The following NACC2 variants were observed in gnomAD, a reference collection of about 807,000 sequenced individuals.
The protein encoded by NACC2 is NACC family member 2, also known as nucleus accumbens-associated protein 2.
A neutral mutation model predicts 25.1 loss-of-function variants in NACC2; 8 were observed. That is an observed-to-expected ratio of 0.32 (90% CI 0.19 to 0.57). The LOEUF (loss-of-function observed/expected upper bound fraction) is 0.57. Ranked by LOEUF, NACC2 falls within the 20% of genes least tolerant of loss-of-function variation. The pLI is 0.89. For synonymous variants in NACC2, 435 were observed against 294.7 expected (o/e 1.48, Z -4.88); for missense variants, 644 against 650.2 (o/e 0.99, Z 0.10).
At chr9:136,059,085 G>C (rs1225209934) in intron 1 of NACC2, among the ~76,000 whole-genome samples, 1 of 152,238 alleles carries the variant, frequency 6.6e-6, no homozygotes, top group Admixed American at 6.5e-5. Context: ...ACCCACATCA[G>C]AGCCTGAGAC....
chr9:136,013,586 T>TAAC lies in NACC2; in HGVS notation c.1157+277_1157+278insGTT. Among the ~76,000 whole-genome samples the TAAC allele has an allele frequency of 6.6e-6, 1 of 152,248 alleles. No homozygotes were observed. The highest frequency in any genetic ancestry group is 6.5e-5 in the Admixed American group (1 of 15,294). On this transcript the variant is annotated intron_variant, in intron 4 of 5. Coordinates refer to ENST00000277554, the MANE Select transcript of NACC2 (RefSeq NM_144653.5). The surrounding 1 kb of genome is among the most constrained non-coding windows in gnomAD (Gnocchi z 6.6). ...GCCGCTGTGTCCTCGGGAAGGGTTC[T>TAAC]GTTGGCCCATCAGCACAACAGAATA...
At chr9:136,051,447 G>A (rs1018907629) in intron 1 of NACC2, among the ~76,000 whole-genome samples, 3 of 152,188 alleles carry the variant, frequency 2.0e-5, no homozygotes, top group Non-Finnish European at 4.4e-5. Context: ...AGCCCTCGCC[G>A]GGCTGCCCGG....
In NACC2 at chr9:136,009,788, TGG is replaced by T. The variant is rs1370209311; in HGVS notation, c.*1726_*1727del. 1 of 152,398 alleles carries T rather than the reference TGG, an allele frequency of 6.6e-6. No individual in the cohort carries two copies. The highest frequency in any genetic ancestry group is 1.5e-5 in the Non-Finnish European group (1 of 68,270). 9.4% of individuals were successfully genotyped at this position (152,398 alleles called of 1,614,324 possible). The stretch of plus-strand genomic sequence containing the variant: ...CCTCCGCTTGATGGGTTGTGGAGGT[TGG>T]GGGAGTGGGGTGCGCTGGTCGGCCA... On this transcript the variant is annotated 3_prime_UTR_variant, in exon 6 of 6. Transcript: ENST00000277554.
At chr9:136,080,676 C>T (rs1264977039) in intron 1 of NACC2, among the ~76,000 whole-genome samples, 2 of 152,304 alleles carry the variant, frequency 1.3e-5, no homozygotes, top group East Asian at 3.9e-4. Flanking sequence ...CCACGGAGCT[C>T]TTGCTTATCT....
chr9:136,093,380 G>A (rs548072477), intron 1 of NACC2, among the ~76,000 whole-genome samples: 2 of 152,298 alleles, frequency 1.3e-5, no homozygotes, highest in Admixed American at 6.5e-5. Context: ...GCAGCCCTGC[G>A]AACCCTTCCA....
At position 136,050,447 on chromosome 9, in the gene NACC2, C is replaced by G. The variant is rs1840805544; in HGVS notation, c.75G>C (p.Leu25=). ...TVLGCLNEQR[L]LGLYCDVSIV... Reference sequence around the variant, plus strand: ...TGGACACATCGCAGTAGAGGCCCAGCAGGCGCTGCTCGTTCAGGCAGCCCA... The same window carrying G: ...TGGACACATCGCAGTAGAGGCCCAGGAGGCGCTGCTCGTTCAGGCAGCCCA... The change falls in exon 2 of 6, where the codon CTG becomes CTC. Residue 25 remains leucine, a synonymous_variant. Coordinates refer to ENST00000277554, the MANE Select transcript of NACC2 (RefSeq NM_144653.5). 2 of 766,680 alleles carry G rather than the reference C, an allele frequency of 2.6e-6. No homozygotes were observed. The highest frequency in any genetic ancestry group is 4.8e-6 in the Non-Finnish European group (2 of 417,318). 47.5% of individuals were successfully genotyped at this position (766,680 alleles called of 1,614,324 possible).
intron 1 of NACC2, among the ~76,000 whole-genome samples, chr9:136,077,810 AAGT>A (rs1223020550): frequency 1.2e-4 from 19 of 152,240 alleles, no homozygotes; most frequent in Non-Finnish European, 7.3e-5. Context: ...AGGTAAGTGA[AAGT>A]AGTTTGAAAA....
intron 1 of NACC2, among the ~76,000 whole-genome samples, chr9:136,075,532 G>A (rs1198079475): frequency 6.6e-6 from 1 of 152,264 alleles, no homozygotes; most frequent in African/African-American, 2.4e-5. Flanking sequence ...TCGCGCAGCT[G>A]GGGCCAAGCC....
intron 1 of NACC2, among the ~76,000 whole-genome samples, chr9:136,060,589 GC>G (rs1840995595): frequency 6.6e-6 from 1 of 152,242 alleles, no homozygotes; most frequent in African/African-American, 2.4e-5. Context: ...TCAGTCCCTG[GC>G]CCGAGAAGGC....
chr9:136,040,214 G>A (rs949633959), intron 2 of NACC2, among the ~76,000 whole-genome samples: 20 of 151,720 alleles, frequency 1.3e-4, no homozygotes, highest in South Asian at 2.1e-4. Context: ...GCGTGGTGGC[G>A]GGCACCTGTA....
intron 1 of NACC2, among the ~76,000 whole-genome samples, chr9:136,053,194 T>G (rs1840874138): frequency 6.6e-6 from 1 of 152,156 alleles, no homozygotes; most frequent in Non-Finnish European, 1.5e-5. Flanking sequence ...CCGGCGCCCC[T>G]CTGAGGCATC....
chr9:136,083,453 T>A (rs1398603422), intron 1 of NACC2, among the ~76,000 whole-genome samples: 1 of 152,214 alleles, frequency 6.6e-6, no homozygotes, highest in Non-Finnish European at 1.5e-5. Flanking sequence ...AAAATCCACA[T>A]GCACCCCAAA....
chr9:136,063,883 C>CA (rs11315582), intron 1 of NACC2, among the ~76,000 whole-genome samples: 20,904 of 127,296 alleles, frequency 0.16, 1,759 homozygotes, highest in African/African-American at 0.26. Flanking sequence ...GACTCCATCT[C>CA]AAAAAAAAAA....
chr9:136,052,749 G>A (rs981881483), intron 1 of NACC2, among the ~76,000 whole-genome samples: 1 of 152,242 alleles, frequency 6.6e-6, no homozygotes, highest in Non-Finnish European at 1.5e-5. Flanking sequence ...CAAAGCGGCC[G>A]CCTCGCTCCT....
Position 136,013,130 on chromosome 9 carries a change from A to T in NACC2, c.1255+69T>A. 7.5e-7 allele frequency: 1 copy of T among 1,324,862 alleles called. No homozygotes were observed. Among genetic ancestry groups the T allele is most frequent in the Non-Finnish European group, 1.1e-6 (1 of 937,564 alleles). The allele number at this position is 1,324,862 out of a possible 1,614,324, so 82.1% of individuals were successfully genotyped here. A position where few individuals can be genotyped will look rare whatever the true frequency, so the allele number is the denominator to read the frequency against. On this transcript the variant is annotated intron_variant, in intron 5 of 5. Coordinates refer to ENST00000277554, the MANE Select transcript of NACC2 (RefSeq NM_144653.5). The surrounding 1 kb of genome is among the most constrained non-coding windows in gnomAD (Gnocchi z 6.6). ...CCGGGAGCACCCCCGCGGCCCACCC[A>T]GTCCTCCTCAGGCTGGGATCTGAAC...
intron 2 of NACC2, among the ~76,000 whole-genome samples, chr9:136,040,100 C>T (rs1840605691): frequency 6.6e-6 from 1 of 152,268 alleles, no homozygotes; most frequent in African/African-American, 2.4e-5. Flanking sequence ...AATCCCAGCA[C>T]TTTGGGAGGC....
intron 1 of NACC2, among the ~76,000 whole-genome samples, chr9:136,058,154 G>A (rs1357233249): frequency 6.6e-6 from 1 of 152,234 alleles, no homozygotes; most frequent in African/African-American, 2.4e-5. Context: ...GGCCCTGGCT[G>A]GCAAGGGGGC....
At chr9:136,069,426 G>A (rs1841124443) in intron 1 of NACC2, among the ~76,000 whole-genome samples, 1 of 151,276 alleles carries the variant, frequency 6.6e-6, no homozygotes, top group African/African-American at 2.5e-5. Flanking sequence ...GCAGGCACCT[G>A]TAATCTCAGC....
chr9:136,046,840 C>A lies in NACC2; in HGVS notation c.886+2796G>T, dbSNP rs993002903. Among the ~76,000 whole-genome samples, 3 of 152,226 alleles carry A rather than the reference C, an allele frequency of 2.0e-5. No homozygotes were observed. In the East Asian group the frequency reaches 5.8e-4, roughly 29 times the overall value. Reference sequence around the variant, plus strand: ...CCGTGAGGCCACACAGACCATGGGGCGGGGGCTGTGCCGGGGACAAAAGGC... The same window carrying A: ...CCGTGAGGCCACACAGACCATGGGGAGGGGGCTGTGCCGGGGACAAAAGGC... On this transcript the variant is annotated intron_variant, in intron 2 of 5. Transcript: ENST00000277554.
Sources: gnomAD v4.1 joint callset for allele counts (sites outside exome capture counted in the v4.1 genomes callset) on GRCh38, gnomAD v4.1.1 for gene constraint, Gnocchi (gnomAD v3.1) non-coding constraint, MANE v1.5 for transcripts, NCBI Gene and HGNC (gene_info 2026-07-23, HGNC 2026-07-21) for gene names.